Variants in HOXC5 observed in about 807,000 individuals in gnomAD.
The protein encoded by HOXC5 is homeobox protein Hox-C5.
Under a neutral mutation model 20.1 loss-of-function variants are expected in HOXC5, and 19 were observed. The ratio of observed to expected loss-of-function variants is 0.94; its 90% CI spans 0.66 to 1.38. The LOEUF is 1.38. Among genes scored for constraint, HOXC5 ranks in the 40% most tolerant of loss-of-function variants. HOXC5 has a pLI of 0.00. For missense variants in HOXC5, 330 were observed against 300.1 expected (o/e 1.10, Z -0.74); for synonymous variants, 124 against 117.0 (o/e 1.06, Z -0.39).
At chr12:54,022,929 CCCTATTGCGGCTTCTT>C in the HOXC5 span, among the ~76,000 whole-genome samples, 14 of 152,286 alleles carry the variant, frequency 9.2e-5, no homozygotes, top group Admixed American at 3.3e-4. Context: ...GCAGCACACC[CCCTATTGCGGCTTCTT>C]CCTCATGTGA....
At chr12:54,021,430 G>A in the HOXC5 span, 8 of 152,300 alleles carry the variant, frequency 5.3e-5, no homozygotes, top group Non-Finnish European at 1.0e-4. Context: ...GGGCTACCAA[G>A]GCTGAGAATT....
upstream of HOXC5, chr12:54,030,017 C>A (rs1006773536): frequency 2.1e-6 from 3 of 1,402,984 alleles, no homozygotes; most frequent in Non-Finnish European, 2.9e-6. Context: ...CCCACCAACT[C>A]TCCCCTAATC....
the HOXC5 span, among the ~76,000 whole-genome samples, chr12:54,019,499 C>T: frequency 2.6e-5 from 4 of 152,260 alleles, no homozygotes; most frequent in Non-Finnish European, 5.9e-5. Context: ...AATCGCCGAC[C>T]GGTGAGGCCT....
upstream of HOXC5, chr12:54,028,246 CAT>C (rs147627891): frequency 1.5e-3 from 220 of 149,172 alleles, no homozygotes; most frequent in Non-Finnish European, 2.0e-3. Context: ...AGTTCCCTTA[CAT>C]ATATATATAT....
chr12:54,020,666 A>C, the HOXC5 span: 1 of 152,186 alleles, frequency 6.6e-6, no homozygotes, highest in Non-Finnish European at 1.5e-5. Context: ...TTTTATGTTC[A>C]TGCAAAATTT....
upstream of HOXC5, among the ~76,000 whole-genome samples, chr12:54,031,864 A>AC (rs1222342071): frequency 6.6e-6 from 1 of 151,544 alleles, no homozygotes; most frequent in Admixed American, 6.6e-5. Flanking sequence ...TGCCCTGCCC[A>AC]CCCCCCAGGT....
chr12:54,023,406 T>C, the HOXC5 span, among the ~76,000 whole-genome samples: 3 of 152,172 alleles, frequency 2.0e-5, no homozygotes, highest in Admixed American at 2.0e-4. Flanking sequence ...GGCAGAAATC[T>C]GGAAAGAGAG....
At chr12:54,018,033 G>C in the HOXC5 span, among the ~76,000 whole-genome samples, 52 of 152,328 alleles carry the variant, frequency 3.4e-4, no homozygotes, top group African/African-American at 7.5e-4. Flanking sequence ...TGGCAATTAG[G>C]GGGGAGGCTG....
chr12:54,030,093 T>G (rs965238815), upstream of HOXC5: 1 of 929,576 alleles, frequency 1.1e-6, no homozygotes. Context: ...AATTAGGGAG[T>G]CAAACGTGGA....
chr12:54,030,035 C>G, upstream of HOXC5: 1 of 1,313,770 alleles, frequency 7.6e-7, no homozygotes, highest in Non-Finnish European at 1.0e-6. Flanking sequence ...ATCACACACT[C>G]TGTATTTATC....
the HOXC5 span, chr12:54,022,556 C>T: frequency 8.5e-5 from 13 of 152,122 alleles, no homozygotes; most frequent in Admixed American, 2.0e-4. Flanking sequence ...ATGGTTCTTT[C>T]AGATCTGCAA....
At chr12:54,029,488 C>A, upstream of HOXC5, 1 of 397,724 alleles carries the variant, frequency 2.5e-6, no homozygotes, top group Non-Finnish European at 4.4e-6. Flanking sequence ...GGGGTCCTCG[C>A]TGTACCCCCA....
chr12:54,026,801 G>A, the HOXC5 span, among the ~76,000 whole-genome samples: 9 of 152,298 alleles, frequency 5.9e-5, no homozygotes, highest in African/African-American at 2.2e-4. Flanking sequence ...CGTTACAGAA[G>A]ATGAATAAAC....
At chr12:54,033,812 G>A (rs560668390) in intron 1 of HOXC5, 3 of 571,788 alleles carry the variant, frequency 5.2e-6, no homozygotes, top group African/African-American at 1.9e-5. Context: ...GGGGGAGAGG[G>A]AGGGAGTTAA....
chr12:54,019,649 C>T, the HOXC5 span, among the ~76,000 whole-genome samples: 1 of 151,978 alleles, frequency 6.6e-6, no homozygotes, highest in Non-Finnish European at 1.5e-5. Flanking sequence ...TGGAGATTCA[C>T]CTAGAATATT....
At chr12:54,033,010 A>C, upstream of HOXC5, 1 of 782,332 alleles carries the variant, frequency 1.3e-6, no homozygotes, top group Non-Finnish European at 2.1e-6. Flanking sequence ...AGAAAGAGAT[A>C]TCTCCACCTA....
At chr12:54,027,480 C>T in the HOXC5 span, among the ~76,000 whole-genome samples, 6 of 152,350 alleles carry the variant, frequency 3.9e-5, no homozygotes, top group East Asian at 9.6e-4. Context: ...CAGGCCCTCA[C>T]TGGCTCCAAA....
chr12:54,019,312 C>A, the HOXC5 span, among the ~76,000 whole-genome samples: 1 of 152,106 alleles, frequency 6.6e-6, no homozygotes, highest in Non-Finnish European at 1.5e-5. Flanking sequence ...GCTCAGGCTG[C>A]CGCGCGCTCT....
upstream of HOXC5, chr12:54,032,993 A>G (rs1447596700): frequency 1.4e-6 from 1 of 705,174 alleles, no homozygotes. Flanking sequence ...AAGAGCGCAT[A>G]GGATAAAGAA....
Sources: allele counts gnomAD v4.1 joint callset (sites outside exome capture counted in the v4.1 genomes callset), GRCh38; gene constraint gnomAD v4.1.1; transcripts MANE v1.5; gene names NCBI Gene and HGNC (gene_info 2026-07-23, HGNC 2026-07-21).